Variants in FERMT2 observed in about 807,000 individuals in gnomAD.
FERMT2 encodes FERM domain containing kindlin 2.
A neutral mutation model predicts 82.7 loss-of-function variants in FERMT2; 15 were observed. The observed-to-expected ratio is 0.18, with a 90% confidence interval of 0.12 to 0.28. The LOEUF is 0.28. FERMT2 is among the 10% of genes least tolerant of loss of function. The probability of loss-of-function intolerance (pLI) is 1.00; values close to 1 mark genes in which losing one functional copy is unlikely to be tolerated. For synonymous variants in FERMT2, 274 were observed against 271.5 expected (o/e 1.01, Z -0.09); for missense variants, 645 against 809.4 (o/e 0.80, Z 2.46).
rs932293462 is a variant in FERMT2, at chr14:52,857,463, T to C, written c.*914A>G. On this transcript the variant is annotated 3_prime_UTR_variant, in exon 15 of 15. Transcript: ENST00000341590. ...GACTAGAACATGGCCAGTCCAGGCA[T>C]TAGAGTTAAGGACATTGTGGCAAAT... The C allele has an allele frequency of 4.6e-5, 7 of 152,572 alleles. No homozygotes were observed. Among genetic ancestry groups the C allele is most frequent in the African/African-American group, 1.7e-4 (7 of 41,420 alleles). The allele number at this position is 152,572 out of a possible 1,614,324, so 9.5% of individuals were successfully genotyped here.
intron 2 of FERMT2, among the ~76,000 whole-genome samples, chr14:52,942,602 C>A (rs781355082): frequency 2.6e-4 from 39 of 152,094 alleles, no homozygotes; most frequent in Middle Eastern, 3.4e-3. Flanking sequence ...CCGCCCGCCC[C>A]AAGAAAATTT....
At chr14:52,899,878 G>GT (rs1203089492) in intron 3 of FERMT2, among the ~76,000 whole-genome samples, 1 of 152,170 alleles carries the variant, frequency 6.6e-6, no homozygotes, top group Non-Finnish European at 1.5e-5. Flanking sequence ...TTCTAAATGT[G>GT]TAAGAGTGGG....
intron 3 of FERMT2, among the ~76,000 whole-genome samples, chr14:52,910,142 G>C (rs1286762954): frequency 6.6e-6 from 1 of 152,150 alleles, no homozygotes; most frequent in Admixed American, 6.5e-5. Context: ...CTTATGTACA[G>C]CTTAATTTAC....
intron 4 of FERMT2, among the ~76,000 whole-genome samples, chr14:52,888,442 C>T (rs1886737050): frequency 6.6e-6 from 1 of 152,134 alleles, no homozygotes; most frequent in South Asian, 2.1e-4. Flanking sequence ...TACAATTTGT[C>T]ATTATCACCA....
intron 4 of FERMT2, among the ~76,000 whole-genome samples, chr14:52,886,840 G>C (rs566723647): frequency 6.6e-6 from 1 of 152,142 alleles, no homozygotes; most frequent in Non-Finnish European, 1.5e-5. Context: ...AGTAGCCAGG[G>C]AATAAGTTTA....
chr14:52,858,878 C>T (rs1050582913), intron 14 of FERMT2: 4 of 207,744 alleles, frequency 1.9e-5, no homozygotes, highest in Non-Finnish European at 2.9e-5. Context: ...GGAAAGCCTA[C>T]TTCCTGTGTT....
intron 13 of FERMT2, 94 bp downstream of exon 13, chr14:52,860,247 A>T: frequency 9.7e-7 from 1 of 1,034,208 alleles, no homozygotes; most frequent in Non-Finnish European, 1.4e-6. Flanking sequence ...GGGTCTACAT[A>T]GGTATGCTTT....
intron 4 of FERMT2, among the ~76,000 whole-genome samples, chr14:52,891,922 G>T (rs935952340): frequency 2.6e-5 from 4 of 152,078 alleles, no homozygotes; most frequent in Admixed American, 2.6e-4. Flanking sequence ...GTTAGGTTCT[G>T]GTGACAAAAA....
In FERMT2 at chr14:52,947,460, CAG is replaced by C. The variant is rs570594979; in HGVS notation, c.157+2950_157+2951del. Among the ~76,000 whole-genome samples, 251 of 152,152 alleles carry C rather than the reference CAG, an allele frequency of 1.6e-3. 1 individual carries two copies. The highest frequency in any genetic ancestry group is 5.6e-3 in the African/African-American group (234 of 41,512). ...CGCTACTGCACTCCAGTCTGGGCGA[CAG>C]AGTGAGACTCCCGTCTCAAAAAGTA... On this transcript the variant is annotated intron_variant, in intron 2 of 14. Transcript: ENST00000341590.
Position 52,893,306 on chromosome 14 carries a change from G to A in FERMT2, c.513C>T (p.Ile171=), listed in dbSNP as rs753209513. The change falls in exon 4 of 15, where the codon ATC becomes ATT. Residue 171 remains isoleucine (I), a synonymous_variant. Transcript: ENST00000341590. ...DEALELEGPL[I]TPGSGSIYSS... ...TAAAAGTCTTACCTGATCCAGGAGT[G>A]ATAAGAGGCCCCTCTAATTCAAGTG... 1.2e-6 allele frequency: 2 copies of A among 1,606,630 alleles called. No individual in the cohort carries two copies. Among genetic ancestry groups the A allele is most frequent in the Admixed American group, 1.7e-5 (1 of 58,058 alleles).
chr14:52,941,822 G>T (rs551311032), intron 2 of FERMT2, among the ~76,000 whole-genome samples: 2 of 152,288 alleles, frequency 1.3e-5, no homozygotes, highest in Admixed American at 6.5e-5. Context: ...ATTAAGTAGA[G>T]AATTAATTTA....
chr14:52,860,587 A>C, intron 12 of FERMT2, 122 bp from the exon 13 acceptor site: 1 of 790,332 alleles, frequency 1.3e-6, no homozygotes. Context: ...TAAGAGTTGA[A>C]ATCAAAATAT....
chr14:52,889,593 A>G (rs1886811336), intron 4 of FERMT2, among the ~76,000 whole-genome samples: 2 of 152,214 alleles, frequency 1.3e-5, no homozygotes, highest in African/African-American at 4.8e-5. Flanking sequence ...AACAATAGGG[A>G]TAAGTTCTGA....
chr14:52,918,136 C>T (rs1888723076), intron 3 of FERMT2, among the ~76,000 whole-genome samples: 1 of 152,204 alleles, frequency 6.6e-6, no homozygotes, highest in Non-Finnish European at 1.5e-5. Flanking sequence ...TATACTTGAT[C>T]TTAGCCAAAA....
chr14:52,880,927 T>G (rs1886257395), intron 6 of FERMT2, 109 bp downstream of exon 6: 2 of 628,780 alleles, frequency 3.2e-6, no homozygotes, highest in Non-Finnish European at 5.3e-6. Context: ...TATTCAAGAT[T>G]TCCTATATAC....
chr14:52,917,790 A>G (rs1464911505), intron 3 of FERMT2, among the ~76,000 whole-genome samples: 1 of 152,224 alleles, frequency 6.6e-6, no homozygotes, highest in Non-Finnish European at 1.5e-5. Context: ...AACTAAACAC[A>G]AGAAATGGGT....
At chr14:52,875,082 T>C in intron 8 of FERMT2, 141 bp downstream of exon 8, 1 of 772,782 alleles carries the variant, frequency 1.3e-6, no homozygotes, top group Non-Finnish European at 2.0e-6. Context: ...TCAAAGTTCC[T>C]GAAAAATTAA....
intron 2 of FERMT2, among the ~76,000 whole-genome samples, chr14:52,930,520 G>A (rs965376552): frequency 6.6e-6 from 1 of 152,180 alleles, no homozygotes; most frequent in Non-Finnish European, 1.5e-5. Flanking sequence ...GAGTGAGTTG[G>A]ATGGGGTAAG....
intron 2 of FERMT2, among the ~76,000 whole-genome samples, chr14:52,937,096 A>G (rs1401137807): frequency 1.3e-5 from 2 of 152,118 alleles, no homozygotes; most frequent in Admixed American, 6.5e-5. Flanking sequence ...CTGGAGGTGG[A>G]GGTTGCAGTG....
Sources: allele counts gnomAD v4.1 joint callset (sites outside exome capture counted in the v4.1 genomes callset), GRCh38; gene constraint gnomAD v4.1.1; transcripts MANE v1.5; gene names NCBI Gene and HGNC (gene_info 2026-07-23, HGNC 2026-07-21).